The following NF2 variants were observed in gnomAD, a reference collection of about 807,000 sequenced individuals.
The protein encoded by NF2 is NF2, moesin-ezrin-radixin like (MERLIN) tumor suppressor, also known as merlin.
In NF2, 8 loss-of-function variants were observed where a neutral mutation model predicts 83.7. The observed-to-expected ratio is 0.10, with a 90% CI of 0.06 to 0.17. The LOEUF is 0.17. Among genes scored for constraint, NF2 ranks in the 10% least tolerant of loss-of-function variants. The probability of loss-of-function intolerance (pLI) is 1.00; values close to 1 mark genes in which losing one functional copy is unlikely to be tolerated. For synonymous variants in NF2, 266 were observed against 269.6 expected (o/e 0.99, Z 0.13); for missense variants, 533 against 744.4 (o/e 0.72, Z 3.31).
chr22:29,685,142 C>G (rs184368805), intron 15 of NF2, among the ~76,000 whole-genome samples: 1 of 151,734 alleles, frequency 6.6e-6, no homozygotes, highest in African/African-American at 2.4e-5. Flanking sequence ...TTTTGAGACA[C>G]GGTCTCCCTC....
intron 12 of NF2, 87 bp downstream of exon 12, chr22:29,673,573 T>C: frequency 1.4e-6 from 2 of 1,428,632 alleles, no homozygotes. Flanking sequence ...CTACAGCAGT[T>C]GTCCTCAAGC....
At chr22:29,688,129 A>G (rs755034639) in intron 15 of NF2, among the ~76,000 whole-genome samples, 2 of 152,186 alleles carry the variant, frequency 1.3e-5, no homozygotes, top group East Asian at 1.9e-4. Context: ...TCAACAAGCC[A>G]ATCCTGTTTT....
At chr22:29,676,376 A>T (rs1244310086) in intron 13 of NF2, among the ~76,000 whole-genome samples, 1 of 151,758 alleles carries the variant, frequency 6.6e-6, no homozygotes, top group Non-Finnish European at 1.5e-5. Context: ...GGGTTTTGCC[A>T]TGTTGCCACA....
chr22:29,689,199 A>T (rs28714538), intron 15 of NF2, among the ~76,000 whole-genome samples: 1 of 142,332 alleles, frequency 7.0e-6, no homozygotes, highest in Non-Finnish European at 1.5e-5. Flanking sequence ...AAAAAAAAAA[A>T]AGAGAAAGTA....
intron 15 of NF2, chr22:29,683,135 T>C: frequency 6.2e-7 from 1 of 1,614,110 alleles, no homozygotes; most frequent in Non-Finnish European, 8.5e-7. Flanking sequence ...GTGCATGAGC[T>C]TGCCTGTCTC....
At chr22:29,628,119 C>T (rs1319837351) in intron 1 of NF2, among the ~76,000 whole-genome samples, 1 of 147,480 alleles carries the variant, frequency 6.8e-6, no homozygotes, top group Non-Finnish European at 1.5e-5. Flanking sequence ...CAGCACTTGC[C>T]AGGGTTCTGG....
At chr22:29,606,085 G>A (rs552780856) in intron 1 of NF2, among the ~76,000 whole-genome samples, 21 of 152,320 alleles carry the variant, frequency 1.4e-4, no homozygotes, top group Non-Finnish European at 2.9e-4. Flanking sequence ...CTCCCAAGTA[G>A]CTGGGATTGC....
rs1245321110 is a variant in NF2 at position 29,642,400 on chromosome 22, G to A, written c.447+115G>A. 3.8e-5 allele frequency: 32 copies of A among 836,330 alleles called. No homozygotes were observed. In the South Asian group the frequency reaches 4.3e-4, roughly 11 times the overall value. The allele number at this position is 836,330 out of a possible 1,614,324, so 51.8% of individuals were successfully genotyped here. A position where few individuals can be genotyped will look rare whatever the true frequency, so the allele number is the denominator to read the frequency against. On this transcript the variant is annotated intron_variant, in intron 4 of 15. Coordinates refer to ENST00000338641, the MANE Select transcript of NF2 (RefSeq NM_000268.4). ...ACTTCAGAGAGACTTGCCCCAGAAAGTGAGATGTTATGGGACTTGTGGACT... is the reference window on the plus strand; with the variant it reads ...ACTTCAGAGAGACTTGCCCCAGAAAATGAGATGTTATGGGACTTGTGGACT...
chr22:29,660,818 C>T lies in NF2; in HGVS notation c.676-387C>T, dbSNP rs553085041. ...TCCTGACCTCGTGAACCGCCCGCCT[C>T]GGCCTCCCAAAGTGCTGGGATTACA... On this transcript the variant is annotated intron_variant, in intron 7 of 15. Transcript: ENST00000338641. 7.2e-5 allele frequency among the ~76,000 whole-genome samples: 11 copies of T among 152,350 alleles called. No homozygotes were observed. In the East Asian group the frequency reaches 1.7e-3, roughly 24 times the overall value.
At chr22:29,654,633 C>T (rs1397358247) in intron 4 of NF2, 24 bp from the exon 5 acceptor site, 2 of 1,608,946 alleles carry the variant, frequency 1.2e-6, no homozygotes, top group Admixed American at 3.3e-5. Context: ...TCTCAATCGC[C>T]TGCTCTCCCT....
Position 29,672,764 on chromosome 22 carries a change from C to T in NF2, c.1123-505C>T, listed in dbSNP as rs549670248. On this transcript the variant is annotated intron_variant, in intron 11 of 15. Transcript: ENST00000338641. ...CCAAGTAGCTGGGATTACAGGTGCG[C>T]GCCAACACATCCAGCTTTTTTTTTT... Among the ~76,000 whole-genome samples, 25 of 150,154 alleles carry T rather than the reference C, an allele frequency of 1.7e-4. No homozygotes were observed. In the South Asian group the frequency reaches 2.1e-3, roughly 13 times the overall value.
At chr22:29,634,869 G>C (rs1191623086) in intron 1 of NF2, among the ~76,000 whole-genome samples, 1 of 152,142 alleles carries the variant, frequency 6.6e-6, no homozygotes, top group Non-Finnish European at 1.5e-5. Context: ...CCATTACTCA[G>C]CCTTAAAAAC....
intron 15 of NF2, chr22:29,684,097 C>T (rs1462418295): frequency 4.5e-6 from 1 of 223,706 alleles, no homozygotes; most frequent in African/African-American, 2.3e-5. Flanking sequence ...GGTCGTTATC[C>T]CATCAAGAGA....
intron 4 of NF2, among the ~76,000 whole-genome samples, chr22:29,644,341 C>T (rs1450876745): frequency 3.3e-5 from 5 of 151,362 alleles, no homozygotes; most frequent in African/African-American, 9.7e-5. Context: ...GGCAGAGACG[C>T]TCCTCACTTC....
At position 29,698,583 on chromosome 22, in the gene NF2, A is replaced by C. The variant is rs1008064422; in HGVS notation, c.*3781A>C. 5.5e-6 allele frequency: 1 copy of C among 182,824 alleles called. No individual in the cohort carries two copies. Among genetic ancestry groups the C allele is most frequent in the African/African-American group, 2.4e-5 (1 of 42,550 alleles). 11.3% of individuals were successfully genotyped at this position (182,824 alleles called of 1,614,324 possible). A position where few individuals can be genotyped will look rare whatever the true frequency, so the allele number is the denominator to read the frequency against. On this transcript the variant is annotated 3_prime_UTR_variant, in exon 16 of 16. Transcript: ENST00000338641. ...AACTTAAATGATTGTTTTAATAAAA[A>C]TTCTAAGCTGGAAAATACTTGCCTT... is the stretch of plus-strand genomic sequence containing the variant.
chr22:29,622,270 C>T (rs550716922), intron 1 of NF2, among the ~76,000 whole-genome samples: 13 of 152,304 alleles, frequency 8.5e-5, no homozygotes, highest in Non-Finnish European at 1.8e-4. Context: ...ACATGACTAA[C>T]GATCCGTGCT....
At chr22:29,683,271 A>T (rs2067194545) in intron 15 of NF2, 1 of 1,480,592 alleles carries the variant, frequency 6.8e-7, no homozygotes. Flanking sequence ...GCCCCAGAAG[A>T]CTGCCTCGTT....
chr22:29,626,822 T>C (rs2065379631), intron 1 of NF2, among the ~76,000 whole-genome samples: 2 of 152,246 alleles, frequency 1.3e-5, no homozygotes, highest in Non-Finnish European at 2.9e-5. Context: ...TTGTGCCTTA[T>C]TTGTGCTGAA....
Position 29,697,988 on chromosome 22 carries a change from C to G in NF2, c.*3186C>G, listed in dbSNP as rs2067600365. ...CATTACGAGCCCTTCTGCTGGCTCT[C>G]AGGCAGAAGCCCCACAGCACCGGGA... is the stretch of plus-strand genomic sequence containing the variant. On this transcript the variant is annotated 3_prime_UTR_variant, in exon 16 of 16. Coordinates refer to ENST00000338641, the MANE Select transcript of NF2 (RefSeq NM_000268.4). The G allele has an allele frequency of 4.4e-6, 1 of 227,744 alleles. No homozygotes were observed. The highest frequency in any genetic ancestry group is 5.7e-5 in the Admixed American group (1 of 17,570). The allele number at this position is 227,744 out of a possible 1,614,324, so 14.1% of individuals were successfully genotyped here.
Sources: gnomAD v4.1 joint callset for allele counts (sites outside exome capture counted in the v4.1 genomes callset) on GRCh38, gnomAD v4.1.1 for gene constraint, MANE v1.5 for transcripts, NCBI Gene and HGNC (gene_info 2026-07-23, HGNC 2026-07-21) for gene names.